The following MAGI2 variants were observed in gnomAD, a reference collection of about 807,000 sequenced individuals.
MAGI2 encodes the protein membrane associated guanylate kinase, WW and PDZ domain containing 2, also known as membrane-associated guanylate kinase, WW and PDZ domain-containing protein 2.
A neutral mutation model predicts 133.3 loss-of-function variants in MAGI2; 35 were observed. The observed-to-expected ratio is 0.26, with a 90% CI of 0.20 to 0.35. MAGI2 has a LOEUF of 0.35. Ranked by LOEUF, MAGI2 falls within the 10% of genes least tolerant of loss-of-function variation. MAGI2 has a pLI of 1.00. For synonymous variants in MAGI2, 729 were observed against 710.6 expected (o/e 1.03, Z -0.41); for missense variants, 1,636 against 1,863.4 (o/e 0.88, Z 2.25).
chr7:78,557,664 A>G (rs1479334464), intron 3 of MAGI2, among the ~76,000 whole-genome samples: 1 of 152,198 alleles, frequency 6.6e-6, no homozygotes, highest in Non-Finnish European at 1.5e-5. Context: ...CTACCCAGAA[A>G]TACTTTCTAG....
chr7:79,125,402 G>T, intron 1 of MAGI2: 1 of 491,090 alleles, frequency 2.0e-6, no homozygotes, highest in Non-Finnish European at 4.0e-6. Flanking sequence ...AACCTCAGGG[G>T]TCATGGTGTC....
chr7:78,262,276 G>T (rs185436822), intron 9 of MAGI2, among the ~76,000 whole-genome samples: 2 of 152,180 alleles, frequency 1.3e-5, no homozygotes, highest in African/African-American at 4.8e-5. Flanking sequence ...AAATTCCTTC[G>T]TTAGAAGAAT....
chr7:79,245,828 T>C (rs975907874), intron 1 of MAGI2, among the ~76,000 whole-genome samples: 2 of 152,126 alleles, frequency 1.3e-5, no homozygotes, highest in East Asian at 3.9e-4. Flanking sequence ...CAAGACCCAG[T>C]GTTGTGCTGG....
rs118032487 is a variant in MAGI2, at chr7:78,207,247, G to A, written c.2048-6054C>T. Among the ~76,000 whole-genome samples, 1,376 of 152,168 alleles carry A rather than the reference G, an allele frequency of 9.0e-3. 13 individuals are homozygous for A. The highest frequency in any genetic ancestry group is 0.013 in the Non-Finnish European group (916 of 68,008). ...TCTTAAATTATCCTTTTTTATGAAG[G>A]ATTGTAGGGAATAAACTGAATTCAC... On this transcript the variant is annotated intron_variant, in intron 10 of 21. Coordinates refer to ENST00000354212, the MANE Select transcript of MAGI2 (RefSeq NM_012301.4).
intron 2 of MAGI2, among the ~76,000 whole-genome samples, chr7:78,882,086 C>CAAAAAAAAAAAAAAAAA (rs771918590): frequency 6.4e-4 from 8 of 12,470 alleles, no homozygotes; most frequent in African/African-American, 1.3e-3. Context: ...ACAACAACAA[C>CAAAAAAAAAAAAAAAAA]AAAAAAAAAA....
intron 2 of MAGI2, among the ~76,000 whole-genome samples, chr7:78,894,267 G>A (rs964758952): frequency 2.6e-5 from 4 of 152,106 alleles, no homozygotes; most frequent in African/African-American, 4.8e-5. Flanking sequence ...GGGCGTGGTG[G>A]CACGTGTGCC....
At chr7:78,333,542 C>T (rs1046165937) in intron 9 of MAGI2, among the ~76,000 whole-genome samples, 1 of 152,114 alleles carries the variant, frequency 6.6e-6, no homozygotes, top group South Asian at 2.1e-4. Context: ...ATTGACAGAC[C>T]ACCTCAATGA....
At chr7:79,336,768 G>C (rs1840465588) in intron 1 of MAGI2, among the ~76,000 whole-genome samples, 1 of 151,880 alleles carries the variant, frequency 6.6e-6, no homozygotes, top group Admixed American at 6.6e-5. Flanking sequence ...TCCATGTTTT[G>C]GCAAATGGCA....
chr7:79,236,203 A>G lies in MAGI2; in HGVS notation c.301+216817T>C, dbSNP rs143804310. Among the ~76,000 whole-genome samples, 89 of 152,348 alleles carry G rather than the reference A, an allele frequency of 5.8e-4. 1 individual carries two copies. The East Asian group carries it at 0.017, about 28-fold the overall frequency. The stretch of plus-strand genomic sequence containing the variant: ...CATCTGCCAGTAGCCATAATCTTAA[A>G]TGATAATCTCACTGTATTAAAGCAA... On this transcript the variant is annotated intron_variant, in intron 1 of 21. Transcript: ENST00000354212.
chr7:78,840,291 T>C (rs1230387344), intron 2 of MAGI2, among the ~76,000 whole-genome samples: 2 of 152,030 alleles, frequency 1.3e-5, no homozygotes, highest in Non-Finnish European at 2.9e-5. Flanking sequence ...ATATAATTGG[T>C]TTTTTAAAAT....
chr7:79,318,984 GC>G (rs1343519380), intron 1 of MAGI2, among the ~76,000 whole-genome samples: 1 of 152,098 alleles, frequency 6.6e-6, no homozygotes, highest in Non-Finnish European at 1.5e-5. Flanking sequence ...CTTGGGAGCT[GC>G]TATTCGCAAC....
intron 9 of MAGI2, among the ~76,000 whole-genome samples, chr7:78,342,120 A>C (rs958929728): frequency 7.9e-5 from 12 of 152,184 alleles, no homozygotes; most frequent in Non-Finnish European, 1.5e-5. Context: ...ACAAGAAAAA[A>C]AAAACCCTAT....
chr7:79,420,079 A>G (rs989655677), intron 1 of MAGI2, among the ~76,000 whole-genome samples: 3 of 152,034 alleles, frequency 2.0e-5, no homozygotes, highest in Non-Finnish European at 4.4e-5. Flanking sequence ...AGGACCATCT[A>G]ACCTAATTTT....
intron 7 of MAGI2, among the ~76,000 whole-genome samples, chr7:78,353,972 T>C (rs1017562544): frequency 2.6e-5 from 4 of 152,304 alleles, no homozygotes; most frequent in Admixed American, 6.5e-5. Context: ...AAGGTCTCCA[T>C]CTTGGATGAT....
intron 20 of MAGI2, among the ~76,000 whole-genome samples, chr7:78,099,194 T>C (rs1039394164): frequency 6.6e-5 from 10 of 152,186 alleles, no homozygotes; most frequent in African/African-American, 2.4e-4. Context: ...AAAGGTTTTA[T>C]TAGAAGTTAA....
At chr7:78,773,363 G>A (rs990467533) in intron 2 of MAGI2, among the ~76,000 whole-genome samples, 1 of 151,992 alleles carries the variant, frequency 6.6e-6, no homozygotes, top group African/African-American at 2.4e-5. Context: ...GGCAAAAACA[G>A]TATAGCAACT....
At chr7:78,799,400 T>C (rs1583935802) in intron 2 of MAGI2, among the ~76,000 whole-genome samples, 1 of 152,134 alleles carries the variant, frequency 6.6e-6, no homozygotes. Flanking sequence ...AATGTCAAAA[T>C]GATTTACTGA....
rs562188428 is a variant in MAGI2, at chr7:79,064,074, T to C, written c.302-56868A>G. Reference sequence around the variant, plus strand: ...TACTTTTGATGAGAAATTATGTCTTTTGAGCCAGCTGCAAAAGCATGAGTG... The same window carrying C: ...TACTTTTGATGAGAAATTATGTCTTCTGAGCCAGCTGCAAAAGCATGAGTG... On this transcript the variant is annotated intron_variant, in intron 1 of 21. Transcript: ENST00000354212. Among the ~76,000 whole-genome samples the C allele has an allele frequency of 4.6e-5, 7 of 152,210 alleles. No homozygotes were observed. In the South Asian group the frequency reaches 1.2e-3, roughly 27 times the overall value.
intron 7 of MAGI2, chr7:78,347,362 G>C (rs1487996863): frequency 2.6e-5 from 4 of 152,122 alleles, no homozygotes; most frequent in African/African-American, 7.2e-5. Context: ...TTTCCTCACG[G>C]GAGACAGGGT....
Sources: gnomAD v4.1 joint callset for allele counts (sites outside exome capture counted in the v4.1 genomes callset) on GRCh38, gnomAD v4.1.1 for gene constraint, MANE v1.5 for transcripts, NCBI Gene and HGNC (gene_info 2026-07-23, HGNC 2026-07-21) for gene names.